The following STARD13 variants were observed in gnomAD, a reference collection of about 807,000 sequenced individuals.
STARD13 encodes the protein stAR-related lipid transfer protein 13.
Under a neutral mutation model 106.4 loss-of-function variants are expected in STARD13, and 62 were observed. The observed-to-expected ratio is 0.58, with a 90% CI of 0.48 to 0.72. The LOEUF (loss-of-function observed/expected upper bound fraction) is 0.72, where lower values mean the gene tolerates loss of function less well. Among genes scored for constraint, STARD13 ranks in the 30% least tolerant of loss-of-function variants. STARD13 has a pLI of 0.00. For missense variants in STARD13, 1,387 were observed against 1,424.0 expected, an observed-to-expected ratio of 0.97 and a Z score of 0.42; for synonymous variants, 565 against 553.0, an observed-to-expected ratio of 1.02 and a Z score of -0.31.
the STARD13 span, among the ~76,000 whole-genome samples, chr13:33,420,352 C>T: frequency 4.1e-4 from 62 of 152,222 alleles, 1 homozygote; most frequent in Non-Finnish European, 6.6e-4. Context: ...TCAGAAGAGA[C>T]AAAGAAGGCC....
At chr13:33,160,388 C>A (rs1307419676) in intron 3 of STARD13, among the ~76,000 whole-genome samples, 1 of 152,018 alleles carries the variant, frequency 6.6e-6, no homozygotes, top group Non-Finnish European at 1.5e-5. Flanking sequence ...CTATGTTAGG[C>A]AAATATTTCT....
chr13:33,127,650 A>G, intron 5 of STARD13, 104 bp from the exon 6 acceptor site: 1 of 1,205,672 alleles, frequency 8.3e-7, no homozygotes, highest in Non-Finnish European at 1.1e-6. Context: ...ATAGCAGCCG[A>G]GCAAAGAAAA....
intron 13 of STARD13, 100 bp downstream of exon 13, chr13:33,106,658 T>C (rs774393312): frequency 3.5e-6 from 4 of 1,147,938 alleles, no homozygotes; most frequent in East Asian, 2.6e-5. Flanking sequence ...AGGAAACAAA[T>C]ACAGTGAAAT....
the STARD13 span, among the ~76,000 whole-genome samples, chr13:33,358,950 C>G: frequency 6.6e-6 from 1 of 152,074 alleles, no homozygotes; most frequent in African/African-American, 2.4e-5. Context: ...CTGTATCTAA[C>G]TAATCTGATG....
chr13:33,110,136 G>T, intron 11 of STARD13, 46 bp from the exon 12 acceptor site: 1 of 1,572,714 alleles, frequency 6.4e-7, no homozygotes, highest in East Asian at 2.3e-5. Context: ...TCTGGGATAT[G>T]GGTCCAACAT....
chr13:33,611,162 TC>T, the STARD13 span: 1 of 152,352 alleles, frequency 6.6e-6, no homozygotes, highest in South Asian at 2.1e-4. Context: ...CACATAATCT[TC>T]CCTTTGTCCG....
intron 1 of STARD13, among the ~76,000 whole-genome samples, chr13:33,273,436 T>A (rs1891259066): frequency 6.6e-6 from 1 of 152,252 alleles, no homozygotes; most frequent in African/African-American, 2.4e-5. Flanking sequence ...ATGTTTCTAT[T>A]CTTTCTGGAG....
intron 1 of STARD13, among the ~76,000 whole-genome samples, chr13:33,290,998 CT>C (rs5802680): frequency 0.16 from 23,875 of 152,218 alleles, 2,364 homozygotes; most frequent in Non-Finnish European, 0.22. Context: ...ATTAGATTGG[CT>C]TGTTACATGT....
chr13:33,499,586 TTC>T, the STARD13 span, among the ~76,000 whole-genome samples: 210 of 64,586 alleles, frequency 3.3e-3, no homozygotes, highest in Non-Finnish European at 4.1e-3. Context: ...CTTCTTCTTC[TTC>T]TTCTTCTTCT....
rs372650168 is a variant in STARD13, at chr13:33,129,273, A to G, written c.1404T>C (p.Tyr468=). The G allele has an allele frequency of 6.2e-7, 1 of 1,614,172 alleles. No individual in the cohort carries two copies. Among genetic ancestry groups the G allele is most frequent in the South Asian group, 1.1e-5 (1 of 91,086 alleles). ...IYDNVPGSHL[Y]ASTGDLLDLE... ...AGTCCAAAAGATCTCCTGTGCTGGC[A>G]TACAGATGGGAGCCAGGGACATTGT... Residue 468 remains tyrosine (Y), a synonymous_variant, in exon 5 of 14, where the codon TAT becomes TAC. Coordinates refer to ENST00000336934, the MANE Select transcript of STARD13 (RefSeq NM_178006.4).
downstream of STARD13, among the ~76,000 whole-genome samples, chr13:33,346,205 G>A (rs1274226531): frequency 6.6e-6 from 1 of 152,202 alleles, no homozygotes; most frequent in African/African-American, 2.4e-5. Flanking sequence ...AGCGAGCTTG[G>A]AAGCAGATCC....
chr13:33,172,152 C>G (rs1397020525), intron 1 of STARD13, among the ~76,000 whole-genome samples: 1 of 152,176 alleles, frequency 6.6e-6, no homozygotes, highest in East Asian at 1.9e-4. Context: ...CAAAACAGTA[C>G]TATGCTAATA....
chr13:33,428,556 A>G, the STARD13 span, among the ~76,000 whole-genome samples: 1 of 152,230 alleles, frequency 6.6e-6, no homozygotes, highest in Non-Finnish European at 1.5e-5. Context: ...CAACAGACAT[A>G]TGAAAAAATG....
intron 1 of STARD13, among the ~76,000 whole-genome samples, chr13:33,293,105 G>C (rs1483501428): frequency 6.6e-6 from 1 of 152,154 alleles, no homozygotes; most frequent in African/African-American, 2.4e-5. Flanking sequence ...TGCATCCTCA[G>C]GCAAGCCATC....
the STARD13 span, among the ~76,000 whole-genome samples, chr13:33,573,716 A>G: frequency 6.6e-6 from 1 of 152,188 alleles, no homozygotes; most frequent in Non-Finnish European, 1.5e-5. Flanking sequence ...ATCTCATAAT[A>G]ATGTTAAATT....
chr13:33,537,624 A>T, the STARD13 span, among the ~76,000 whole-genome samples: 15 of 152,196 alleles, frequency 9.9e-5, 1 homozygote, highest in Admixed American at 9.8e-4. Flanking sequence ...ATTCCTTGAA[A>T]TTACGGTAAA....
chr13:33,629,285 A>G, the STARD13 span, among the ~76,000 whole-genome samples: 2 of 152,216 alleles, frequency 1.3e-5, no homozygotes, highest in African/African-American at 4.8e-5. Flanking sequence ...TCAACAAATA[A>G]CACTTTAACT....
At chr13:33,120,599 G>T (rs935401400) in intron 7 of STARD13, among the ~76,000 whole-genome samples, 3 of 152,122 alleles carry the variant, frequency 2.0e-5, no homozygotes, top group Non-Finnish European at 2.9e-5. Context: ...GTGGATTTTT[G>T]TTGGAAGTAC....
At chr13:33,122,946 C>T (rs1438884514) in intron 7 of STARD13, among the ~76,000 whole-genome samples, 5 of 149,882 alleles carry the variant, frequency 3.3e-5, no homozygotes, top group African/African-American at 1.2e-4. Context: ...ATCCCAGCCA[C>T]TCAGGAGGCT....
Sources: allele counts gnomAD v4.1 joint callset (sites outside exome capture counted in the v4.1 genomes callset), GRCh38; gene constraint gnomAD v4.1.1; transcripts MANE v1.5; gene names NCBI Gene and HGNC (gene_info 2026-07-23, HGNC 2026-07-21).